The following PTPRG variants were observed in gnomAD, a reference collection of about 807,000 sequenced individuals.
PTPRG encodes protein tyrosine phosphatase receptor type G, also known as receptor-type tyrosine-protein phosphatase gamma.
In PTPRG, 102 loss-of-function variants were observed where a neutral mutation model predicts 165.3. That is an observed-to-expected ratio of 0.62 (90% CI 0.53 to 0.73). The LOEUF (loss-of-function observed/expected upper bound fraction) is 0.73, where lower values mean the gene tolerates loss of function less well. Among genes scored for constraint, PTPRG ranks in the 30% least tolerant of loss-of-function variants. The pLI, the probability that PTPRG is intolerant of heterozygous loss-of-function variation, is 0.00. For synonymous variants in PTPRG, 675 were observed against 669.5 expected (o/e 1.01, Z -0.13); for missense variants, 1,866 against 1,861.4 (o/e 1.00, Z -0.05).
chr3:61,906,523 A>C (rs1036388958), intron 2 of PTPRG, among the ~76,000 whole-genome samples: 5 of 152,088 alleles, frequency 3.3e-5, no homozygotes, highest in African/African-American at 4.8e-5. Context: ...TAATCTCAGC[A>C]CTTTGTGAGG....
chr3:61,762,592 C>G (rs1244376854), intron 2 of PTPRG, among the ~76,000 whole-genome samples: 4 of 152,176 alleles, frequency 2.6e-5, no homozygotes, highest in Admixed American at 6.5e-5. Flanking sequence ...GCCTGGGCAG[C>G]AGAACAACAC....
chr3:61,667,605 G>A (rs1162445153), intron 1 of PTPRG, among the ~76,000 whole-genome samples: 1 of 152,040 alleles, frequency 6.6e-6, no homozygotes, highest in African/African-American at 2.4e-5. Flanking sequence ...TGTACACGAG[G>A]AAACTAAAGC....
At chr3:61,910,924 G>C (rs531312116) in intron 2 of PTPRG, among the ~76,000 whole-genome samples, 1 of 152,250 alleles carries the variant, frequency 6.6e-6, no homozygotes, top group Admixed American at 6.5e-5. Flanking sequence ...TCTTGACTCT[G>C]GTTGTCCCCC....
intron 2 of PTPRG, among the ~76,000 whole-genome samples, chr3:61,953,817 A>G (rs528676437): frequency 6.6e-6 from 1 of 152,248 alleles, no homozygotes; most frequent in South Asian, 2.1e-4. Context: ...AAGAAGTTCT[A>G]CTCTAAAGCA....
intron 1 of PTPRG, among the ~76,000 whole-genome samples, chr3:61,706,524 G>A (rs1316710567): frequency 7.1e-6 from 1 of 141,404 alleles, no homozygotes; most frequent in Non-Finnish European, 1.5e-5. Flanking sequence ...ATGAAGTCTC[G>A]CTCTTGTCCC....
intron 2 of PTPRG, among the ~76,000 whole-genome samples, chr3:61,960,007 C>T (rs372048123): frequency 2.0e-5 from 3 of 152,286 alleles, no homozygotes; most frequent in African/African-American, 7.2e-5. Flanking sequence ...CCCTTCCCCT[C>T]ATCCTTATAT....
intron 1 of PTPRG, among the ~76,000 whole-genome samples, chr3:61,592,644 TCTTTC>T (rs1559515543): frequency 6.7e-6 from 1 of 149,374 alleles, no homozygotes; most frequent in Non-Finnish European, 1.5e-5. Context: ...TTTCTTTCTT[TCTTTC>T]TTTTTTTTTT....
intron 5 of PTPRG, among the ~76,000 whole-genome samples, chr3:62,120,516 C>T (rs1435261607): frequency 4.5e-5 from 4 of 88,302 alleles, no homozygotes; most frequent in Admixed American, 2.3e-4. Flanking sequence ...TTTGGGAGGC[C>T]GAGGTGGGTG....
chr3:61,695,985 G>A, intron 1 of PTPRG, among the ~76,000 whole-genome samples: 1 of 152,100 alleles, frequency 6.6e-6, no homozygotes, highest in East Asian at 1.9e-4. Context: ...AGGGATTTAA[G>A]GATGTGTTTT....
chr3:62,082,167 C>T (rs1701604632), intron 5 of PTPRG, among the ~76,000 whole-genome samples: 1 of 152,236 alleles, frequency 6.6e-6, no homozygotes, highest in African/African-American at 2.4e-5. Flanking sequence ...AGTCCAGATG[C>T]TGATTTACTT....
chr3:62,140,248 G>A (rs1006935735), intron 6 of PTPRG, among the ~76,000 whole-genome samples: 5 of 152,176 alleles, frequency 3.3e-5, no homozygotes, highest in East Asian at 3.9e-4. Context: ...CATGCACCCC[G>A]CCCTCTGAGC....
chr3:62,262,939 A>AT, intron 17 of PTPRG, 45 bp downstream of exon 17: 2 of 1,432,708 alleles, frequency 1.4e-6, no homozygotes, highest in Non-Finnish European at 2.0e-6. Flanking sequence ...AGGAAATTAA[A>AT]TTTTCATGCT....
intron 2 of PTPRG, among the ~76,000 whole-genome samples, chr3:61,893,738 A>G (rs1158323039): frequency 1.3e-5 from 2 of 152,232 alleles, no homozygotes; most frequent in Non-Finnish European, 2.9e-5. Flanking sequence ...TCAGTGGTGT[A>G]TAATAAATAT....
At chr3:61,858,565 G>A (rs562978221) in intron 2 of PTPRG, among the ~76,000 whole-genome samples, 1 of 152,152 alleles carries the variant, frequency 6.6e-6, no homozygotes, top group South Asian at 2.1e-4. Flanking sequence ...ATAGAAAAAG[G>A]CATTTTTTTA....
chr3:61,624,831 G>A (rs1701563178), intron 1 of PTPRG, among the ~76,000 whole-genome samples: 1 of 152,238 alleles, frequency 6.6e-6, no homozygotes, highest in South Asian at 2.1e-4. Flanking sequence ...ATAGGGATGT[G>A]TATTTATTTG....
intron 2 of PTPRG, among the ~76,000 whole-genome samples, chr3:61,781,099 T>G (rs2034532033): frequency 6.6e-6 from 1 of 152,204 alleles, no homozygotes; most frequent in Admixed American, 6.5e-5. Context: ...CATGGATATA[T>G]TAAAAGGAGT....
chr3:61,669,346 T>C (rs1702900267), intron 1 of PTPRG, among the ~76,000 whole-genome samples: 2 of 151,832 alleles, frequency 1.3e-5, no homozygotes. Context: ...CTCCAAATAC[T>C]GTAATGTGCT....
In PTPRG at chr3:62,210,303, G is replaced by C. The variant is rs1407565628; in HGVS notation, c.2155+6353G>C. On this transcript the variant is annotated intron_variant, in intron 12 of 29. Transcript: ENST00000474889. The surrounding 1 kb of genome is among the most constrained non-coding windows in gnomAD (Gnocchi z 4.1). ...GAACAATCATTTCTCTGCAGCAGTG[G>C]TTTGGGTAACGTCAGGGCTCCAGAA... is the stretch of plus-strand genomic sequence containing the variant. Among the ~76,000 whole-genome samples, 2 of 152,194 alleles carry C rather than the reference G, an allele frequency of 1.3e-5. No homozygotes were observed. The highest frequency in any genetic ancestry group is 2.9e-5 in the Non-Finnish European group (2 of 68,036).
At chr3:61,828,507 T>G (rs11130855) in intron 2 of PTPRG, among the ~76,000 whole-genome samples, 36,738 of 152,162 alleles carry the variant, frequency 0.24, 4,620 homozygotes, top group East Asian at 0.29. Flanking sequence ...TTCATTTTCA[T>G]AGTGCCTGGC....
Sources: allele counts gnomAD v4.1 joint callset (sites outside exome capture counted in the v4.1 genomes callset), GRCh38; gene constraint gnomAD v4.1.1; non-coding constraint Gnocchi (gnomAD v3.1); transcripts MANE v1.5; gene names NCBI Gene and HGNC (gene_info 2026-07-23, HGNC 2026-07-21).